LMBR1: variants seen among roughly 807,000 people sequenced by gnomAD.
The protein encoded by LMBR1 is limb region 1 protein homolog.
LMBR1 carries 52 observed loss-of-function variants against 73.9 expected under a neutral mutation model. The observed-to-expected ratio is 0.70, with a 90% confidence interval of 0.56 to 0.89. The LOEUF is 0.89. Ranked by LOEUF, LMBR1 falls within the 40% of genes least tolerant of loss-of-function variation. The probability of loss-of-function intolerance (pLI) is 0.00; values close to 1 mark genes in which losing one functional copy is unlikely to be tolerated. For synonymous variants in LMBR1, 215 were observed against 209.4 expected (o/e 1.03, Z -0.23); for missense variants, 539 against 579.8 (o/e 0.93, Z 0.72).
chr7:156,864,598 T>TA (rs1261115047), intron 1 of LMBR1, among the ~76,000 whole-genome samples: 1 of 152,192 alleles, frequency 6.6e-6, no homozygotes, highest in African/African-American at 2.4e-5. Context: ...ATACTTGGAA[T>TA]AAAACCAAAT....
chr7:156,746,044 T>C (rs1405767575), intron 9 of LMBR1, among the ~76,000 whole-genome samples: 1 of 152,200 alleles, frequency 6.6e-6, no homozygotes, highest in African/African-American at 2.4e-5. Flanking sequence ...TTAAGTTACA[T>C]AACGAATGAG....
rs191084843 is a variant in LMBR1, at chr7:156,719,059, A to T, written c.1225+5053T>A. Among the ~76,000 whole-genome samples, 756 of 151,554 alleles carry T rather than the reference A, an allele frequency of 5.0e-3. 1 individual carries two copies. The highest frequency in any genetic ancestry group is 0.011 in the African/African-American group (462 of 41,264). On this transcript the variant is annotated intron_variant, in intron 15 of 16. Coordinates refer to ENST00000353442, the MANE Select transcript of LMBR1 (RefSeq NM_022458.4). ...CAGGTTAGTTACATATGTATACATG[A>T]GCCATGCTGGTGTGCTGCACCCATT... is the stretch of plus-strand genomic sequence containing the variant.
At chr7:156,842,592 A>G (rs113625814) in intron 1 of LMBR1, among the ~76,000 whole-genome samples, 4,100 of 152,300 alleles carry the variant, frequency 0.027, 202 homozygotes, top group African/African-American at 0.094. Context: ...CTCTTCCTCA[A>G]GGGGAACTGG....
intron 1 of LMBR1, among the ~76,000 whole-genome samples, chr7:156,862,070 G>A (rs1797798925): frequency 6.6e-6 from 1 of 152,298 alleles, no homozygotes. Flanking sequence ...TGAATTTACT[G>A]TATTAGCCTG....
chr7:156,835,643 C>T (rs1031203027), intron 2 of LMBR1, among the ~76,000 whole-genome samples: 1 of 149,746 alleles, frequency 6.7e-6, no homozygotes, highest in Non-Finnish European at 1.5e-5. Context: ...TGCAGTAAGC[C>T]GAGATCGCAC....
At chr7:156,869,220 G>GA (rs1798914155) in intron 1 of LMBR1, among the ~76,000 whole-genome samples, 1 of 151,808 alleles carries the variant, frequency 6.6e-6, no homozygotes, top group Non-Finnish European at 1.5e-5. Context: ...AGGTGTTCAG[G>GA]AAATTAACCT....
chr7:156,689,679 A>G (rs1806754475), intron 15 of LMBR1, among the ~76,000 whole-genome samples: 5 of 152,252 alleles, frequency 3.3e-5, no homozygotes, highest in Admixed American at 3.3e-4. Flanking sequence ...ATGAAAACAT[A>G]CAATAAAATA....
In LMBR1 at chr7:156,756,602, C is replaced by G; in HGVS notation, c.685-137G>C. On this transcript the variant is annotated intron_variant, in intron 8 of 16. Coordinates refer to ENST00000353442, the MANE Select transcript of LMBR1 (RefSeq NM_022458.4). ...CTAAGAACACAAAACAAAAAAACTC[C>G]AACTATGTTATTTATAAATTAAGTA... 4 of 575,218 alleles carry G rather than the reference C, an allele frequency of 7.0e-6. No homozygotes were observed. The South Asian group carries it at 8.5e-5, about 12-fold the overall frequency. The allele number at this position is 575,218 out of a possible 1,614,324, so 35.6% of individuals were successfully genotyped here.
At chr7:156,875,731 G>A (rs1451787121) in intron 1 of LMBR1, among the ~76,000 whole-genome samples, 1 of 152,088 alleles carries the variant, frequency 6.6e-6, no homozygotes, top group Non-Finnish European at 1.5e-5. Flanking sequence ...CATAAATGAA[G>A]GAAAGATACA....
chr7:156,874,391 C>A (rs980111504), intron 1 of LMBR1, among the ~76,000 whole-genome samples: 2 of 152,356 alleles, frequency 1.3e-5, no homozygotes, highest in Non-Finnish European at 2.9e-5. Context: ...TCTCCCTCCA[C>A]ACCTCCCCGC....
At chr7:156,837,436 C>A (rs1837863463) in intron 1 of LMBR1, among the ~76,000 whole-genome samples, 1 of 147,338 alleles carries the variant, frequency 6.8e-6, no homozygotes, top group Non-Finnish European at 1.5e-5. Context: ...CCAATGGAGA[C>A]TTTTCTTTCC....
intron 1 of LMBR1, among the ~76,000 whole-genome samples, chr7:156,885,127 C>T (rs186808613): frequency 3.3e-5 from 5 of 151,780 alleles, no homozygotes; most frequent in African/African-American, 4.8e-5. Context: ...GAGGCAGGGG[C>T]GGATCACCTG....
intron 8 of LMBR1, among the ~76,000 whole-genome samples, chr7:156,760,869 A>G (rs1822849867): frequency 6.6e-6 from 1 of 152,254 alleles, no homozygotes; most frequent in African/African-American, 2.4e-5. Context: ...AGACAAACAC[A>G]TAACTATAAC....
At chr7:156,833,531 T>A (rs577827712) in intron 3 of LMBR1, 9 of 504,064 alleles carry the variant, frequency 1.8e-5, no homozygotes, top group Non-Finnish European at 2.4e-5. Flanking sequence ...TTTAATCCCC[T>A]GAGGATAAAA....
At chr7:156,688,295 CTTCT>C in intron 15 of LMBR1, 104 bp from the exon 16 acceptor site, 1 of 756,436 alleles carries the variant, frequency 1.3e-6, no homozygotes, top group Non-Finnish European at 2.1e-6. Context: ...GACTTTCTCA[CTTCT>C]GTGACGTGAG....
intron 5 of LMBR1, among the ~76,000 whole-genome samples, chr7:156,782,613 C>T (rs1465314415): frequency 1.3e-5 from 2 of 151,998 alleles, no homozygotes; most frequent in African/African-American, 2.4e-5. Context: ...GGTACAATCT[C>T]GGCTCCCTGA....
chr7:156,688,229 G>A, intron 15 of LMBR1, 38 bp from the exon 16 acceptor site: 1 of 1,443,654 alleles, frequency 6.9e-7, no homozygotes, highest in Non-Finnish European at 9.4e-7. Context: ...AATGAAATCA[G>A]GTTAAGACAT....
At chr7:156,862,459 A>G (rs1292759626) in intron 1 of LMBR1, among the ~76,000 whole-genome samples, 1 of 152,054 alleles carries the variant, frequency 6.6e-6, no homozygotes, top group South Asian at 2.1e-4. Flanking sequence ...ACCTAAATGT[A>G]AAATATAAAA....
chr7:156,694,092 T>C (rs539807051), intron 15 of LMBR1, among the ~76,000 whole-genome samples: 3 of 152,194 alleles, frequency 2.0e-5, no homozygotes, highest in Non-Finnish European at 4.4e-5. Context: ...ACTGACAAAA[T>C]TGAATATACT....
Sources: allele counts gnomAD v4.1 joint callset (sites outside exome capture counted in the v4.1 genomes callset), GRCh38; gene constraint gnomAD v4.1.1; transcripts MANE v1.5; gene names NCBI Gene and HGNC (gene_info 2026-07-23, HGNC 2026-07-21).